Variants in PDE11A observed in about 807,000 individuals in gnomAD.
The protein encoded by PDE11A is dual 3',5'-cyclic-AMP and -GMP phosphodiesterase 11A.
Under a neutral mutation model 100.5 loss-of-function variants are expected in PDE11A, and 100 were observed. The observed-to-expected ratio is 1.00, with a 90% CI of 0.85 to 1.18. PDE11A has a LOEUF of 1.18. Among genes scored for constraint, PDE11A ranks in the 50% most tolerant of loss-of-function variants. The pLI, the probability that PDE11A is intolerant of heterozygous loss-of-function variation, is 0.00. For missense variants in PDE11A, 1,141 were observed against 1,152.6 expected (o/e 0.99, Z 0.15); for synonymous variants, 381 against 420.8 (o/e 0.91, Z 1.16).
chr2:177,664,302 A>T (rs1185816248), intron 18 of PDE11A, among the ~76,000 whole-genome samples: 1 of 152,196 alleles, frequency 6.6e-6, no homozygotes, highest in African/African-American at 2.4e-5. Flanking sequence ...CACAAAAATA[A>T]TGCAGGCTTT....
chr2:177,728,983 T>G (rs1383774380), intron 10 of PDE11A, among the ~76,000 whole-genome samples: 1 of 152,188 alleles, frequency 6.6e-6, no homozygotes, highest in Non-Finnish European at 1.5e-5. Flanking sequence ...TTTGGATCAC[T>G]CTTGGTAAGG....
At chr2:177,850,930 T>C (rs1381853034) in intron 5 of PDE11A, among the ~76,000 whole-genome samples, 7 of 152,248 alleles carry the variant, frequency 4.6e-5, no homozygotes, top group Non-Finnish European at 1.5e-5. Flanking sequence ...ACTTTTACAC[T>C]GTTGGAGGGA....
intron 17 of PDE11A, among the ~76,000 whole-genome samples, chr2:177,672,124 C>T (rs2080692740): frequency 6.6e-6 from 1 of 152,152 alleles, no homozygotes; most frequent in Non-Finnish European, 1.5e-5. Context: ...CACCAACTCT[C>T]CCAGAAGGGA....
intron 2 of PDE11A, among the ~76,000 whole-genome samples, chr2:178,094,871 C>A (rs1010671289): frequency 2.6e-5 from 4 of 152,130 alleles, no homozygotes; most frequent in Admixed American, 2.0e-4. Flanking sequence ...TTTCCAAACA[C>A]TTATAAAACC....
chr2:178,051,133 G>C (rs558014639), intron 1 of PDE11A, among the ~76,000 whole-genome samples: 1 of 152,350 alleles, frequency 6.6e-6, no homozygotes, highest in South Asian at 2.1e-4. Flanking sequence ...ACAAAGGGAA[G>C]CCCATCAGAC....
At chr2:178,015,436 T>G (rs1418941033) in intron 1 of PDE11A, among the ~76,000 whole-genome samples, 1 of 152,128 alleles carries the variant, frequency 6.6e-6, no homozygotes, top group Non-Finnish European at 1.5e-5. Context: ...AAAAAAAAGT[T>G]TTTTTAAATA....
At position 177,663,334 on chromosome 2, in the gene PDE11A, C is replaced by G. The variant is rs1185462899; in HGVS notation, c.2646+532G>C. ...TCTCAGAGACAGGCAGATTTTGAAG[C>G]TGGAAGGTGCGTCACAAAACCCCCT... On this transcript the variant is annotated intron_variant, in intron 19 of 19. Transcript: ENST00000286063. Among the ~76,000 whole-genome samples the G allele has an allele frequency of 2.0e-5, 3 of 150,548 alleles. No individual in the cohort carries two copies. In the East Asian group the frequency reaches 5.8e-4, roughly 29 times the overall value.
At chr2:177,779,030 C>T (rs1432724281) in intron 9 of PDE11A, among the ~76,000 whole-genome samples, 2 of 152,040 alleles carry the variant, frequency 1.3e-5, no homozygotes, top group African/African-American at 4.8e-5. Context: ...AGGCATACCT[C>T]AGAGATATTG....
chr2:177,663,842 G>A (rs774920038), intron 19 of PDE11A, 24 bp downstream of exon 19: 4 of 1,294,362 alleles, frequency 3.1e-6, no homozygotes, highest in African/African-American at 2.9e-5. Context: ...GTCAGAACAT[G>A]TAGGCCCTCC....
At chr2:177,843,359 G>T (rs1325097988) in intron 5 of PDE11A, among the ~76,000 whole-genome samples, 2 of 152,158 alleles carry the variant, frequency 1.3e-5, no homozygotes, top group Non-Finnish European at 2.9e-5. Context: ...TGTCACCTAA[G>T]AACAAATAGG....
intron 15 of PDE11A, among the ~76,000 whole-genome samples, chr2:177,681,456 C>T (rs772849332): frequency 1.1e-4 from 15 of 135,286 alleles, no homozygotes; most frequent in South Asian, 7.4e-4. Flanking sequence ...CTCAGCAACT[C>T]GCTTTGGAAA....
At chr2:177,655,335 C>A (rs1268883111) in intron 19 of PDE11A, among the ~76,000 whole-genome samples, 1 of 151,962 alleles carries the variant, frequency 6.6e-6, no homozygotes, top group African/African-American at 2.4e-5. Context: ...GGTTGTTTAT[C>A]AGGTCAAAAG....
chr2:177,859,650 TA>T (rs1236675742), intron 5 of PDE11A, among the ~76,000 whole-genome samples: 9 of 151,940 alleles, frequency 5.9e-5, no homozygotes, highest in Admixed American at 2.0e-4. Context: ...GCACTCCACC[TA>T]ATGGCAGAAT....
At chr2:178,085,075 C>T (rs577012085) in intron 2 of PDE11A, among the ~76,000 whole-genome samples, 3 of 152,152 alleles carry the variant, frequency 2.0e-5, no homozygotes, top group Non-Finnish European at 4.4e-5. Flanking sequence ...AAACCACATC[C>T]AACCACAGTC....
intron 10 of PDE11A, among the ~76,000 whole-genome samples, chr2:177,748,800 T>C (rs1213779306): frequency 2.0e-5 from 3 of 152,080 alleles, no homozygotes. Flanking sequence ...AAATCAAATC[T>C]TTTTCTGAAT....
At chr2:177,880,438 A>G (rs992574954) in intron 4 of PDE11A, among the ~76,000 whole-genome samples, 5 of 152,214 alleles carry the variant, frequency 3.3e-5, no homozygotes, top group South Asian at 2.1e-4. Flanking sequence ...CTTGTCACAC[A>G]TGATAGCCAG....
intron 2 of PDE11A, among the ~76,000 whole-genome samples, chr2:177,949,634 G>A (rs1371385951): frequency 6.6e-6 from 1 of 152,136 alleles, no homozygotes; most frequent in Non-Finnish European, 1.5e-5. Flanking sequence ...CATGTGATGT[G>A]CATAATGTAG....
chr2:178,090,928 G>A (rs992704898), intron 2 of PDE11A, among the ~76,000 whole-genome samples: 1 of 152,108 alleles, frequency 6.6e-6, no homozygotes, highest in Admixed American at 6.5e-5. Context: ...CATTCTCCCC[G>A]ACTTACCAGA....
At chr2:177,725,643 C>T (rs780144914) in intron 12 of PDE11A, among the ~76,000 whole-genome samples, 11 of 152,062 alleles carry the variant, frequency 7.2e-5, no homozygotes, top group Admixed American at 1.3e-4. Flanking sequence ...AATATTCTGA[C>T]GATATGAGCA....
Sources: allele counts gnomAD v4.1 joint callset (sites outside exome capture counted in the v4.1 genomes callset), GRCh38; gene constraint gnomAD v4.1.1; transcripts MANE v1.5; gene names NCBI Gene and HGNC (gene_info 2026-07-23, HGNC 2026-07-21).